C10orf67: variants seen among roughly 807,000 people sequenced by gnomAD.
C10orf67 encodes the protein uncharacterized protein C10orf67, mitochondrial.
Under a neutral mutation model 35.6 loss-of-function variants are expected in C10orf67, and 60 were observed. The observed-to-expected ratio is 1.68, with a 90% CI of 1.37 to 2.09. C10orf67 has a LOEUF of 2.09. C10orf67 is among the 30% of genes most tolerant of loss of function. The pLI is 0.00. For synonymous variants in C10orf67, 167 were observed against 115.8 expected, an observed-to-expected ratio of 1.44 and a Z score of -2.84; for missense variants, 474 against 330.2, an observed-to-expected ratio of 1.44 and a Z score of -3.38.
chr10:23,289,576 G>C (rs972658231), intron 7 of C10orf67, among the ~76,000 whole-genome samples: 1 of 152,172 alleles, frequency 6.6e-6, no homozygotes, highest in Non-Finnish European at 1.5e-5. Flanking sequence ...CTGAAAATAA[G>C]ACTGTTCATT....
chr10:23,300,902 A>C (rs1001829156), intron 5 of C10orf67, among the ~76,000 whole-genome samples: 3 of 152,198 alleles, frequency 2.0e-5, no homozygotes, highest in Non-Finnish European at 2.9e-5. Context: ...TTATGACGGC[A>C]CTTCTCTCAT....
rs189926340 is a variant in C10orf67 at position 23,273,947 on chromosome 10, C to A, written c.976-6693G>T. ...TTCAATGTAGGTTCTTTCTATTTTC[C>A]CCAAGTGTTGGCCAGTCTGAGAAAT... On this transcript the variant is annotated intron_variant, in intron 8 of 15. Transcript: ENST00000636213. 4.4e-3 allele frequency among the ~76,000 whole-genome samples: 666 copies of A among 152,090 alleles called. 10 individuals carry two copies. The highest frequency in any genetic ancestry group is 0.015 in the African/African-American group (629 of 41,474).
intron 4 of C10orf67, among the ~76,000 whole-genome samples, chr10:23,308,544 A>C (rs927963757): frequency 2.0e-5 from 3 of 152,038 alleles, no homozygotes; most frequent in African/African-American, 7.2e-5. Flanking sequence ...TCGGCATCCA[A>C]CTTCTCAGAA....
At chr10:23,272,110 T>A (rs1013964076) in intron 8 of C10orf67, among the ~76,000 whole-genome samples, 8 of 152,188 alleles carry the variant, frequency 5.3e-5, no homozygotes, top group Non-Finnish European at 8.8e-5. Flanking sequence ...AGAGATGAAG[T>A]TTCATCATGT....
intron 12 of C10orf67, among the ~76,000 whole-genome samples, chr10:23,247,802 C>T (rs188310138): frequency 6.6e-6 from 1 of 152,218 alleles, no homozygotes; most frequent in East Asian, 1.9e-4. Context: ...AGAATATTTG[C>T]CAATTGGGAA....
intron 1 of C10orf67, among the ~76,000 whole-genome samples, chr10:23,335,585 C>T (rs1362364062): frequency 1.3e-5 from 2 of 152,116 alleles, no homozygotes; most frequent in Non-Finnish European, 2.9e-5. Context: ...TTTGAAATGT[C>T]ATAGTTTTTT....
intron 15 of C10orf67, among the ~76,000 whole-genome samples, chr10:23,223,077 C>T (rs973448964): frequency 1.6e-5 from 2 of 126,312 alleles, no homozygotes; most frequent in South Asian, 2.5e-4. Flanking sequence ...TGAAGTATAA[C>T]TATTTTTTTT....
intron 10 of C10orf67, among the ~76,000 whole-genome samples, chr10:23,255,725 G>A (rs186402932): frequency 3.7e-4 from 56 of 152,158 alleles, no homozygotes; most frequent in African/African-American, 1.3e-3. Flanking sequence ...TAATATCTCA[G>A]GAAGGCACTG....
chr10:23,270,342 A>G (rs1260921380), intron 8 of C10orf67, among the ~76,000 whole-genome samples: 1 of 152,096 alleles, frequency 6.6e-6, no homozygotes, highest in African/African-American at 2.4e-5. Context: ...CTGGGAAACC[A>G]TGCTTCTCCC....
chr10:23,225,850 G>C (rs948399023), intron 13 of C10orf67, among the ~76,000 whole-genome samples: 11 of 152,088 alleles, frequency 7.2e-5, no homozygotes, highest in African/African-American at 2.7e-4. Flanking sequence ...CCCAATACAG[G>C]AGCAGCCAGA....
intron 4 of C10orf67, among the ~76,000 whole-genome samples, chr10:23,305,985 ACT>A (rs1177187573): frequency 1.3e-5 from 2 of 151,290 alleles, no homozygotes; most frequent in South Asian, 2.1e-4. Flanking sequence ...ACACACACAC[ACT>A]CTCTCTCTCA....
chr10:23,324,359 C>T (rs892896154), intron 2 of C10orf67, among the ~76,000 whole-genome samples: 2 of 152,142 alleles, frequency 1.3e-5, no homozygotes, highest in Non-Finnish European at 2.9e-5. Flanking sequence ...CCTCTTTCTT[C>T]TCCCTGCTGT....
intron 5 of C10orf67, among the ~76,000 whole-genome samples, chr10:23,297,126 G>C (rs1003287763): frequency 2.0e-5 from 3 of 152,124 alleles, no homozygotes; most frequent in Non-Finnish European, 2.9e-5. Context: ...TCCTGGAGGG[G>C]ATTACCCCAT....
chr10:23,327,104 A>G (rs958895655), intron 2 of C10orf67, among the ~76,000 whole-genome samples: 2 of 152,152 alleles, frequency 1.3e-5, no homozygotes, highest in African/African-American at 4.8e-5. Context: ...TTAATCATTA[A>G]AAGAATAAAG....
At chr10:23,330,479 G>A (rs1470948409) in intron 2 of C10orf67, among the ~76,000 whole-genome samples, 1 of 152,020 alleles carries the variant, frequency 6.6e-6, no homozygotes, top group South Asian at 2.1e-4. Flanking sequence ...TAAAGCTCAC[G>A]CCTGTAATCC....
At chr10:23,267,974 G>T (rs1842926244) in intron 8 of C10orf67, among the ~76,000 whole-genome samples, 1 of 151,932 alleles carries the variant, frequency 6.6e-6, no homozygotes, top group African/African-American at 2.4e-5. Context: ...ATAACGTAAT[G>T]AATGAAATTT....
chr10:23,233,071 C>A (rs1841955318), intron 13 of C10orf67, among the ~76,000 whole-genome samples: 1 of 152,256 alleles, frequency 6.6e-6, no homozygotes, highest in Admixed American at 6.5e-5. Context: ...GTAAGACAAT[C>A]ACTTGAGCTC....
intron 15 of C10orf67, among the ~76,000 whole-genome samples, chr10:23,218,300 G>A (rs1277707229): frequency 2.0e-5 from 3 of 147,984 alleles, no homozygotes; most frequent in African/African-American, 2.5e-5. Context: ...ATCACTACAC[G>A]AGGCTAATTT....
intron 12 of C10orf67, among the ~76,000 whole-genome samples, chr10:23,242,498 A>G (rs1018188232): frequency 1.3e-5 from 2 of 152,240 alleles, no homozygotes; most frequent in African/African-American, 4.8e-5. Context: ...GCAGAAAAAA[A>G]TGAGAAGCCC....
Sources: gnomAD v4.1 joint callset for allele counts (sites outside exome capture counted in the v4.1 genomes callset) on GRCh38, gnomAD v4.1.1 for gene constraint, MANE v1.5 for transcripts, NCBI Gene and HGNC (gene_info 2026-07-23, HGNC 2026-07-21) for gene names.